EPM2A: variants seen among roughly 807,000 people sequenced by gnomAD.
EPM2A encodes laforin.
Under a neutral mutation model 26.5 loss-of-function variants are expected in EPM2A, and 21 were observed. That is an observed-to-expected ratio of 0.79 (90% CI 0.56 to 1.14). The LOEUF (loss-of-function observed/expected upper bound fraction) is 1.14. Ranked by LOEUF, EPM2A falls within the 50% of genes most tolerant of loss-of-function variation. The probability of loss-of-function intolerance (pLI) is 0.00; values close to 1 mark genes in which losing one functional copy is unlikely to be tolerated. For missense variants in EPM2A, 458 were observed against 440.8 expected (o/e 1.04, Z -0.35); for synonymous variants, 217 against 177.6 (o/e 1.22, Z -1.76).
chr6:145,528,423 T>C (rs1192522544), intron 2 of EPM2A, among the ~76,000 whole-genome samples: 1 of 152,150 alleles, frequency 6.6e-6, no homozygotes, highest in African/African-American at 2.4e-5. Flanking sequence ...AAGTTGGTGA[T>C]TTTGAATTGA....
At chr6:145,428,221 TTAAA>T (rs1443715436) in intron 4 of EPM2A, among the ~76,000 whole-genome samples, 2 of 152,112 alleles carry the variant, frequency 1.3e-5, no homozygotes, top group African/African-American at 2.4e-5. Context: ...CCTTACTATC[TTAAA>T]TAAATTATTT....
intron 4 of EPM2A, among the ~76,000 whole-genome samples, chr6:145,401,451 G>T (rs1264802465): frequency 2.0e-5 from 3 of 152,052 alleles, no homozygotes; most frequent in Non-Finnish European, 4.4e-5. Flanking sequence ...TCTTCTTGTT[G>T]ATGCTCAGAA....
chr6:145,714,521 A>G (rs1009257852), intron 1 of EPM2A, among the ~76,000 whole-genome samples: 11 of 152,240 alleles, frequency 7.2e-5, no homozygotes, highest in African/African-American at 2.7e-4. Flanking sequence ...AATGTGAGCT[A>G]TACACATATT....
At chr6:145,659,454 G>T (rs1054328207) in intron 2 of EPM2A, among the ~76,000 whole-genome samples, 2 of 151,870 alleles carry the variant, frequency 1.3e-5, no homozygotes, top group Admixed American at 1.3e-4. Context: ...AGAATATGAG[G>T]TAAATACAAT....
intron 2 of EPM2A, among the ~76,000 whole-genome samples, chr6:145,600,856 T>C (rs967561977): frequency 5.9e-5 from 9 of 152,064 alleles, no homozygotes; most frequent in Non-Finnish European, 1.2e-4. Flanking sequence ...TTCAGCAGAG[T>C]GTCTTTCATG....
chr6:145,684,640 A>T (rs576490811), intron 2 of EPM2A: 2 of 152,166 alleles, frequency 1.3e-5, no homozygotes, highest in Non-Finnish European at 2.9e-5. Context: ...CCAATTTTAT[A>T]TCTTTATTTC....
chr6:145,393,432 C>CAA (rs34904009), intron 4 of EPM2A, among the ~76,000 whole-genome samples: 15,782 of 147,086 alleles, frequency 0.11, 834 homozygotes, highest in South Asian at 0.15. Flanking sequence ...AAATGTGGCT[C>CAA]AAAAAAAAAA....
In EPM2A at chr6:145,635,302, A is replaced by G. The variant is rs1328751019; in HGVS notation, c.661T>C (p.Tyr221His). 6 of 1,614,098 alleles carry G rather than the reference A, an allele frequency of 3.7e-6. No homozygotes were observed. The highest frequency in any genetic ancestry group is 5.1e-6 in the Non-Finnish European group (6 of 1,179,986). Residue 221 changes from tyrosine (Y) to histidine (H), a missense_variant, in exon 3 of 4, where the codon TAT becomes CAT. Coordinates refer to ENST00000367519, the MANE Select transcript of EPM2A (RefSeq NM_005670.4). ...ATGTAGGCCAAGCCTTCTTCCCTAT[A>G]TAGTTTAATCATAGTGTCTGGAGTC... Reference protein sequence around the residue: ...PMTPDTMIKLYREEGLAYIWM... With the variant: ...PMTPDTMIKLHREEGLAYIWM...
At position 145,594,091 on chromosome 6, in the gene EPM2A, T is replaced by C. The variant is rs997899450; in HGVS notation, c.340+41154A>G. 4.0e-5 allele frequency among the ~76,000 whole-genome samples: 6 copies of C among 151,868 alleles called. No individual in the cohort carries two copies. In the East Asian group the frequency reaches 1.2e-3, roughly 29 times the overall value. The stretch of plus-strand genomic sequence containing the variant: ...TTTTTAAATATGTTGTTATTACTGA[T>C]CCATGGCTACTAAAAGCATAAGAAA... On this transcript the variant is annotated intron_variant, in intron 2 of 3. Transcript: ENST00000450221.
At chr6:145,721,426 G>A (rs1187425590) in intron 1 of EPM2A, 1 of 152,190 alleles carries the variant, frequency 6.6e-6, no homozygotes, top group Admixed American at 6.5e-5. Flanking sequence ...TGGTGATGGT[G>A]TTGGAAAAAT....
At chr6:145,577,356 C>A (rs1781045883) in intron 2 of EPM2A, among the ~76,000 whole-genome samples, 1 of 146,358 alleles carries the variant, frequency 6.8e-6, no homozygotes. Context: ...AAAACTTTTC[C>A]ATGAAAATGG....
At chr6:145,735,845 G>A (rs962749683), upstream of EPM2A, 1 of 156,132 alleles carries the variant, frequency 6.4e-6, no homozygotes, top group Non-Finnish European at 1.4e-5. Context: ...CCAGGCGATC[G>A]TCCAGTTCTC....
At chr6:145,424,244 G>A (rs1221055838) in intron 4 of EPM2A, among the ~76,000 whole-genome samples, 1 of 152,176 alleles carries the variant, frequency 6.6e-6, no homozygotes, top group East Asian at 1.9e-4. Context: ...TACTGTCTCA[G>A]GCAGGAGGAG....
intron 2 of EPM2A, among the ~76,000 whole-genome samples, chr6:145,506,477 A>T (rs1217008334): frequency 2.6e-5 from 4 of 152,078 alleles, no homozygotes; most frequent in Admixed American, 6.5e-5. Flanking sequence ...CTAAAAGCAC[A>T]GGAAAGGCAA....
chr6:145,671,304 C>T, intron 2 of EPM2A: 2 of 1,035,692 alleles, frequency 1.9e-6, no homozygotes, highest in South Asian at 3.5e-5. Flanking sequence ...TGCTGTAGAG[C>T]TGGACTCTTG....
intron 2 of EPM2A, among the ~76,000 whole-genome samples, chr6:145,618,906 T>G (rs574568141): frequency 3.3e-4 from 50 of 152,316 alleles, no homozygotes; most frequent in African/African-American, 1.1e-3. Context: ...GTGTCAAGAA[T>G]GATCTTGAAA....
chr6:145,413,733 T>A (rs1778672711), intron 4 of EPM2A, among the ~76,000 whole-genome samples: 1 of 152,226 alleles, frequency 6.6e-6, no homozygotes, highest in African/African-American at 2.4e-5. Context: ...ACCCTGTAAC[T>A]TCTATCTCTT....
intron 2 of EPM2A, among the ~76,000 whole-genome samples, chr6:145,582,040 A>C (rs769258686): frequency 9.9e-5 from 15 of 152,078 alleles, no homozygotes; most frequent in Non-Finnish European, 1.9e-4. Flanking sequence ...TAGGTTGTGA[A>C]TTTGAGATCT....
At chr6:145,514,786 A>C (rs1052045481) in intron 2 of EPM2A, among the ~76,000 whole-genome samples, 3 of 152,190 alleles carry the variant, frequency 2.0e-5, no homozygotes, top group African/African-American at 7.2e-5. Context: ...ACAAAGAATA[A>C]TTTGCTCCAA....
Sources: allele counts gnomAD v4.1 joint callset (sites outside exome capture counted in the v4.1 genomes callset), GRCh38; gene constraint gnomAD v4.1.1; transcripts MANE v1.5; gene names NCBI Gene and HGNC (gene_info 2026-07-23, HGNC 2026-07-21).